Variants in PCNX2 observed in about 807,000 individuals in gnomAD.
PCNX2 encodes the protein pecanex 2.
Under a neutral mutation model 223.8 loss-of-function variants are expected in PCNX2, and 168 were observed. The ratio of observed to expected loss-of-function variants is 0.75; its 90% CI spans 0.66 to 0.85. The LOEUF is 0.85. Ranked by LOEUF, PCNX2 falls within the 40% of genes least tolerant of loss-of-function variation. The pLI is 0.00. For missense variants in PCNX2, 2,507 were observed against 2,675.5 expected, an observed-to-expected ratio of 0.94 and a Z score of 1.39; for synonymous variants, 1,006 against 1,052.6, an observed-to-expected ratio of 0.96 and a Z score of 0.86.
Position 233,014,651 on chromosome 1 carries a change from C to T in PCNX2, c.4952+14G>A, listed in dbSNP as rs201011739. 1.6e-5 allele frequency: 25 copies of T among 1,606,428 alleles called. No individual in the cohort carries two copies. In the African/African-American group the frequency reaches 3.1e-4, roughly 20 times the overall value. On this transcript the variant is annotated intron_variant, in intron 28 of 33. Coordinates refer to ENST00000258229, the MANE Select transcript of PCNX2 (RefSeq NM_014801.4). ...GCCTGTACCTAAGAGATTCTAACTT[C>T]TCCCCCCAGGTACCTGATGGCCATA...
At position 233,259,255 on chromosome 1, in the gene PCNX2, G is replaced by A. The variant is rs1278802305; in HGVS notation, c.607C>T (p.His203Tyr). 6.2e-7 allele frequency: 1 copy of A among 1,613,960 alleles called. No individual in the cohort carries two copies. Among genetic ancestry groups the A allele is most frequent in the South Asian group, 1.1e-5 (1 of 91,084 alleles). ...GACTTGGTCGTGGTTTCCAGCATGT[G>A]TGCTTGAGACGCAGGTAAGCTTTCC... ...KVESLPASQA[H>Y]MLETTTKSVI... Residue 203 changes from histidine (H) to tyrosine (Y), a missense_variant, in exon 5 of 34, where the codon CAC (histidine) becomes TAC (tyrosine). This residue lies in a region of PCNX2 where 1,031 missense variants were observed against 1,021.7 expected (regional missense o/e 1.01). Transcript: ENST00000258229.
At chr1:233,209,807 A>G (rs1326463949) in intron 12 of PCNX2, among the ~76,000 whole-genome samples, 1 of 152,210 alleles carries the variant, frequency 6.6e-6, no homozygotes, top group Non-Finnish European at 1.5e-5. Context: ...GGGTATGGGA[A>G]TACTTTTGTT....
intron 1 of PCNX2, among the ~76,000 whole-genome samples, chr1:233,293,693 T>G (rs779956940): frequency 9.2e-5 from 14 of 152,342 alleles, no homozygotes; most frequent in Non-Finnish European, 1.8e-4. Flanking sequence ...TACTGAGCAC[T>G]CTCTGTGTGA....
rs552545403 is a variant in PCNX2 at position 232,991,555 on chromosome 1, C to T, written c.5792-5015G>A. Reference sequence around the variant, plus strand: ...GTGGGGCCTTACTTTGACACAGGGTCGTTGCAAATGTCATTAGTTAAGATG... The same window carrying T: ...GTGGGGCCTTACTTTGACACAGGGTTGTTGCAAATGTCATTAGTTAAGATG... On this transcript the variant is annotated intron_variant, in intron 32 of 33. Coordinates refer to ENST00000258229, the MANE Select transcript of PCNX2 (RefSeq NM_014801.4). This position sits in a 1 kb window ranked among gnomAD's most constrained non-coding sequence, Gnocchi z 4.3. Among the ~76,000 whole-genome samples the T allele has an allele frequency of 2.6e-4, 39 of 152,074 alleles. No homozygotes were observed. The highest frequency in any genetic ancestry group is 8.9e-4 in the African/African-American group (37 of 41,484).
chr1:233,296,451 A>G (rs1047243285), upstream of PCNX2, among the ~76,000 whole-genome samples: 21 of 152,228 alleles, frequency 1.4e-4, no homozygotes, highest in Non-Finnish European at 4.4e-5. Context: ...ATAGAACATT[A>G]GTCTAAATCT....
chr1:233,135,253 T>C, intron 20 of PCNX2, 63 bp from the exon 21 acceptor site: 1 of 1,465,406 alleles, frequency 6.8e-7, no homozygotes, highest in South Asian at 1.3e-5. Flanking sequence ...ATGAGTTTCA[T>C]TCGCTAACAA....
At chr1:233,203,051 A>G (rs1334314796) in intron 13 of PCNX2, among the ~76,000 whole-genome samples, 1 of 152,150 alleles carries the variant, frequency 6.6e-6, no homozygotes, top group African/African-American at 2.4e-5. Context: ...TACAAAAGAG[A>G]ATAAAATCCC....
At chr1:233,284,928 G>C (rs1661371923) in intron 1 of PCNX2, 1 of 976,856 alleles carries the variant, frequency 1.0e-6, no homozygotes, top group Non-Finnish European at 1.2e-6. Context: ...GGGGATGATA[G>C]CAAGTAATGC....
At chr1:233,317,826 C>CA in the PCNX2 span, among the ~76,000 whole-genome samples, 1 of 152,266 alleles carries the variant, frequency 6.6e-6, no homozygotes, top group East Asian at 1.9e-4. Context: ...AAAACAACAC[C>CA]ACAGGGCAGA....
At chr1:232,999,061 C>A in intron 31 of PCNX2, 44 bp downstream of exon 31, 1 of 1,547,184 alleles carries the variant, frequency 6.5e-7, no homozygotes. Flanking sequence ...TCCCCCACAC[C>A]TTCCCCCAGC....
the PCNX2 span, among the ~76,000 whole-genome samples, chr1:233,301,900 T>C: frequency 2.0e-5 from 3 of 151,816 alleles, no homozygotes; most frequent in African/African-American, 7.3e-5. Flanking sequence ...CAAGTGATTC[T>C]CATGCCTCAG....
At chr1:233,057,431 C>T (rs1558192868) in intron 23 of PCNX2, 141 bp from the exon 24 acceptor site, 1 of 672,294 alleles carries the variant, frequency 1.5e-6, no homozygotes, top group Non-Finnish European at 2.7e-6. Flanking sequence ...AGTTTTACCA[C>T]ACTGCAGGAA....
Position 232,999,100 on chromosome 1 carries a change from C to T in PCNX2, c.5603+5G>A, listed in dbSNP as rs766852089. 6.3e-7 allele frequency: 1 copy of T among 1,596,128 alleles called. No homozygotes were observed. The highest frequency in any genetic ancestry group is 2.2e-5 in the East Asian group (1 of 44,476). On this transcript the variant is annotated splice_donor_5th_base_variant and intron_variant, in intron 31 of 33. Transcript: ENST00000258229. ...TGGACAGAGGCATTTGTTGTAAAAA[C>T]TTACCTTACCCACTTGGTCCAGAAC...
intron 28 of PCNX2, among the ~76,000 whole-genome samples, chr1:233,006,919 A>G (rs1670306347): frequency 6.6e-6 from 1 of 151,956 alleles, no homozygotes; most frequent in Non-Finnish European, 1.5e-5. Context: ...TCACTGTCCC[A>G]GGCTCAGATA....
intron 16 of PCNX2, 84 bp from the exon 17 acceptor site, chr1:233,177,982 C>A (rs1679578646): frequency 2.0e-6 from 2 of 1,010,088 alleles, no homozygotes; most frequent in East Asian, 2.5e-5. Context: ...AGATCTCACA[C>A]CCACACATGA....
chr1:233,314,266 A>T, the PCNX2 span, among the ~76,000 whole-genome samples: 1 of 152,170 alleles, frequency 6.6e-6, no homozygotes, highest in African/African-American at 2.4e-5. Flanking sequence ...CTATCTCTGG[A>T]TGTATTGTGT....
chr1:233,023,946 C>G (rs911337527), intron 26 of PCNX2, among the ~76,000 whole-genome samples: 4 of 152,134 alleles, frequency 2.6e-5, no homozygotes, highest in African/African-American at 9.7e-5. Flanking sequence ...TTCGGGAATC[C>G]CCATTACCCA....
At chr1:233,199,066 C>G (rs758624793) in intron 14 of PCNX2, 36 bp from the exon 15 acceptor site, 3 of 1,521,140 alleles carry the variant, frequency 2.0e-6, no homozygotes, top group Non-Finnish European at 2.7e-6. Flanking sequence ...TTTCTAGACC[C>G]GCCATTCTTA....
intron 21 of PCNX2, among the ~76,000 whole-genome samples, chr1:233,107,391 AAAACAAAC>A (rs147842035): frequency 4.2e-4 from 63 of 151,708 alleles, no homozygotes; most frequent in African/African-American, 1.4e-3. Flanking sequence ...CTGACTCGAA[AAAACAAAC>A]AAACAAACAA....
Sources: allele counts gnomAD v4.1 joint callset (sites outside exome capture counted in the v4.1 genomes callset), GRCh38; gene constraint gnomAD v4.1.1; regional missense constraint gnomAD v4.1.1; non-coding constraint Gnocchi (gnomAD v3.1); transcripts MANE v1.5; gene names NCBI Gene and HGNC (gene_info 2026-07-23, HGNC 2026-07-21).